ADAR: variants seen among roughly 807,000 people sequenced by gnomAD.
The protein encoded by ADAR is adenosine deaminase RNA specific.
ADAR carries 41 observed loss-of-function variants against 113.2 expected under a neutral mutation model. The observed-to-expected ratio is 0.36, with a 90% CI of 0.28 to 0.47. ADAR has a LOEUF of 0.47. Ranked by LOEUF, ADAR falls within the 20% of genes least tolerant of loss-of-function variation. ADAR has a pLI of 1.00. For synonymous variants in ADAR, 605 were observed against 572.6 expected, an observed-to-expected ratio of 1.06 and a Z score of -0.81; for missense variants, 1,242 against 1,540.9, an observed-to-expected ratio of 0.81 and a Z score of 3.25.
intron 1 of ADAR, among the ~76,000 whole-genome samples, chr1:154,622,533 A>G (rs1444328712): frequency 6.6e-6 from 1 of 152,232 alleles, no homozygotes; most frequent in Non-Finnish European, 1.5e-5. Context: ...ACTCCAAGGA[A>G]AGGGCCCCAA....
chr1:154,595,920 C>T (rs1697461184), intron 6 of ADAR, among the ~76,000 whole-genome samples: 1 of 152,130 alleles, frequency 6.6e-6, no homozygotes, highest in South Asian at 2.1e-4. Context: ...TGTCTTTTTA[C>T]TGTATCTTTT....
chr1:154,587,072 A>G (rs1696810603), intron 11 of ADAR, among the ~76,000 whole-genome samples: 2 of 152,202 alleles, frequency 1.3e-5, no homozygotes, highest in African/African-American at 2.4e-5. Context: ...AACTGTCACC[A>G]CAGTCAATTT....
At chr1:154,586,756 G>C (rs1245059252) in intron 11 of ADAR, among the ~76,000 whole-genome samples, 1 of 152,130 alleles carries the variant, frequency 6.6e-6, no homozygotes, top group East Asian at 1.9e-4. Flanking sequence ...AGGACAGCTG[G>C]AGTAAGTGTT....
intron 1 of ADAR, among the ~76,000 whole-genome samples, chr1:154,606,947 A>AATATATAT (rs5777923): frequency 2.7e-5 from 4 of 148,436 alleles, no homozygotes; most frequent in Non-Finnish European, 5.9e-5. Flanking sequence ...AAAAAAAAAA[A>AATATATAT]ATATATATAT....
At chr1:154,603,374 C>T (rs1571115814) in intron 1 of ADAR, among the ~76,000 whole-genome samples, 1 of 152,202 alleles carries the variant, frequency 6.6e-6, no homozygotes, top group Non-Finnish European at 1.5e-5. Context: ...AAATGGCACA[C>T]TGTCCTCACT....
intron 6 of ADAR, among the ~76,000 whole-genome samples, chr1:154,591,438 T>G (rs1165708217): frequency 6.6e-6 from 1 of 152,228 alleles, no homozygotes; most frequent in African/African-American, 2.4e-5. Flanking sequence ...TTGCTGGGAG[T>G]TGTTTTTTTG....
chr1:154,588,762 G>A, intron 9 of ADAR, 89 bp from the exon 10 acceptor site: 1 of 1,563,204 alleles, frequency 6.4e-7, no homozygotes, highest in African/African-American at 1.4e-5. Context: ...GAGAAAGTAA[G>A]GAAAAGTCTC....
Position 154,584,488 on chromosome 1 carries a change from C to G in ADAR, c.*318G>C, listed in dbSNP as rs1696614440. ...AAAGGGAAAGGAAATGGAAACAAAT[C>G]AAAACAAAACTTTTAAGAGGAAATG... On this transcript the variant is annotated 3_prime_UTR_variant, in exon 15 of 15. Coordinates refer to ENST00000368474, the MANE Select transcript of ADAR (RefSeq NM_001111.5). The G allele has an allele frequency of 3.0e-6, 1 of 332,830 alleles. No individual in the cohort carries two copies. Among genetic ancestry groups the G allele is most frequent in the African/African-American group, 2.1e-5 (1 of 47,126 alleles). 20.6% of individuals were successfully genotyped at this position (332,830 alleles called of 1,614,324 possible).
chr1:154,627,715 C>T, intron 1 of ADAR: 1 of 390,126 alleles, frequency 2.6e-6, no homozygotes, highest in South Asian at 1.9e-5. Context: ...TGCGTCCCCA[C>T]CCAGCCCTGC....
At chr1:154,612,368 C>T (rs1046397383), upstream of ADAR, among the ~76,000 whole-genome samples, 1 of 128,850 alleles carries the variant, frequency 7.8e-6, no homozygotes, top group Non-Finnish European at 1.6e-5. Flanking sequence ...GGCTCTGTCA[C>T]CCAGGCTGGA....
At chr1:154,614,073 T>C (rs1343775016) in intron 1 of ADAR, among the ~76,000 whole-genome samples, 2 of 152,012 alleles carry the variant, frequency 1.3e-5, no homozygotes, top group African/African-American at 4.8e-5. Context: ...TATTATATAA[T>C]AAAGATATAA....
chr1:154,596,750 T>A lies in ADAR; in HGVS notation c.2270+55A>T. 1.9e-6 allele frequency: 3 copies of A among 1,602,878 alleles called. No individual in the cohort carries two copies. The South Asian group carries it at 3.3e-5, about 18-fold the overall frequency. ...AAAGCACACCCTTGTTTTCCCTGGG[T>A]TACAGACCATCCCCAACTGGTGACA... On this transcript the variant is annotated intron_variant, in intron 6 of 14. Transcript: ENST00000368474.
At chr1:154,606,459 C>T (rs1046753299) in intron 1 of ADAR, among the ~76,000 whole-genome samples, 1 of 151,710 alleles carries the variant, frequency 6.6e-6, no homozygotes, top group Non-Finnish European at 1.5e-5. Context: ...ATTTTTTTCC[C>T]TAAACAAAAA....
chr1:154,594,316 A>G (rs143772289), intron 6 of ADAR, among the ~76,000 whole-genome samples: 24 of 152,338 alleles, frequency 1.6e-4, no homozygotes, highest in African/African-American at 5.3e-4. Context: ...AGAGTGTACA[A>G]TAAAAGTGTC....
chr1:154,609,410 A>AG (rs1352629433), upstream of ADAR, among the ~76,000 whole-genome samples: 13 of 152,184 alleles, frequency 8.5e-5, no homozygotes, highest in Admixed American at 2.0e-4. Flanking sequence ...ATGAAATTAC[A>AG]AGGCAGTCCC....
At chr1:154,610,533 G>A (rs1429826876), upstream of ADAR, among the ~76,000 whole-genome samples, 1 of 152,042 alleles carries the variant, frequency 6.6e-6, no homozygotes, top group African/African-American at 2.4e-5. Context: ...AAATGAGGCC[G>A]GGCGCAGTGG....
At chr1:154,590,140 G>GGGGC in intron 7 of ADAR, 44 bp downstream of exon 7, 3 of 1,373,176 alleles carry the variant, frequency 2.2e-6, no homozygotes, top group Non-Finnish European at 3.1e-6. Flanking sequence ...GAGTTAGGAG[G>GGGGC]ACCCCCCCGC....
At chr1:154,589,233 A>G (rs1696962322) in intron 9 of ADAR, 136 bp downstream of exon 9, 2 of 746,182 alleles carry the variant, frequency 2.7e-6, no homozygotes, top group South Asian at 2.9e-5. Flanking sequence ...GGACGGGTGA[A>G]AAGCAAAGGC....
At chr1:154,602,766 G>A in intron 1 of ADAR, 140 bp from the exon 2 acceptor site, 1 of 1,075,892 alleles carries the variant, frequency 9.3e-7, no homozygotes, top group Non-Finnish European at 1.3e-6. Flanking sequence ...GACTTGGCTA[G>A]GGTGACTTGC....
Sources: gnomAD v4.1 joint callset for allele counts (sites outside exome capture counted in the v4.1 genomes callset) on GRCh38, gnomAD v4.1.1 for gene constraint, MANE v1.5 for transcripts, NCBI Gene and HGNC (gene_info 2026-07-23, HGNC 2026-07-21) for gene names.